The following TMEM132C variants were observed in gnomAD, a reference collection of about 807,000 sequenced individuals.
TMEM132C encodes the protein protein phosphatase 1, regulatory subunit 152.
A neutral mutation model predicts 61.4 loss-of-function variants in TMEM132C; 29 were observed. That is an observed-to-expected ratio of 0.47 (90% CI 0.35 to 0.64). TMEM132C has a LOEUF of 0.64. Ranked by LOEUF, TMEM132C falls within the 30% of genes least tolerant of loss-of-function variation. TMEM132C has a pLI of 0.00. For synonymous variants in TMEM132C, 656 were observed against 633.1 expected, an observed-to-expected ratio of 1.04 and a Z score of -0.54; for missense variants, 1,408 against 1,476.9, an observed-to-expected ratio of 0.95 and a Z score of 0.76.
intron 1 of TMEM132C, among the ~76,000 whole-genome samples, chr12:128,403,511 GT>G (rs1875238745): frequency 6.6e-6 from 1 of 152,006 alleles, no homozygotes; most frequent in Non-Finnish European, 1.5e-5. Context: ...CATTTCTGTA[GT>G]TTTAAAAGCT....
chr12:128,644,728 T>C (rs918198225), intron 4 of TMEM132C, among the ~76,000 whole-genome samples: 2 of 152,198 alleles, frequency 1.3e-5, no homozygotes, highest in South Asian at 4.1e-4. Flanking sequence ...CTTAAATTGT[T>C]AAGTTTTATG....
rs191172164 is a variant in TMEM132C at position 128,553,496 on chromosome 12, C to T, written c.1121+9393C>T. Among the ~76,000 whole-genome samples the T allele has an allele frequency of 3.3e-3, 500 of 152,288 alleles. 3 individuals are homozygous for T. The highest frequency in any genetic ancestry group is 0.011 in the South Asian group (52 of 4,818). On this transcript the variant is annotated intron_variant, in intron 3 of 8. Coordinates refer to ENST00000435159, the MANE Select transcript of TMEM132C (RefSeq NM_001136103.3). Reference sequence around the variant, plus strand: ...GATCAGTCTGTAATATGTTACGTCTCTTTTGTAACTTAACGTTGCCAAAGT... The same window carrying T: ...GATCAGTCTGTAATATGTTACGTCTTTTTTGTAACTTAACGTTGCCAAAGT...
chr12:128,622,356 AAAAAATATATATATATAT>A lies in TMEM132C; in HGVS notation c.1305+6023_1305+6040del, dbSNP rs1177780413. Reference sequence around the variant, plus strand: ...GAGACTTTGTCTCAAAAAAAAAAAAAAAAAATATATATATATATATATATATATATATATATATATATA... The same window carrying A: ...GAGACTTTGTCTCAAAAAAAAAAAAAATATATATATATATATATATATATA... On this transcript the variant is annotated intron_variant, in intron 4 of 8. Transcript: ENST00000435159. Among the ~76,000 whole-genome samples, 35 of 59,214 alleles carry A rather than the reference AAAAAATATATATATATAT, an allele frequency of 5.9e-4. 1 individual carries two copies. Among genetic ancestry groups the A allele is most frequent in the African/African-American group, 2.6e-3 (31 of 11,810 alleles). 38.8% of individuals were successfully genotyped at this position (59,214 alleles called of 152,430 possible).
chr12:128,605,032 T>C (rs1876370503), intron 3 of TMEM132C, among the ~76,000 whole-genome samples: 1 of 150,416 alleles, frequency 6.6e-6, no homozygotes, highest in African/African-American at 2.5e-5. Context: ...AATGGATGGA[T>C]GGATGGATGG....
At chr12:128,380,905 C>T (rs1006615952) in intron 1 of TMEM132C, among the ~76,000 whole-genome samples, 1 of 152,196 alleles carries the variant, frequency 6.6e-6, no homozygotes, top group Non-Finnish European at 1.5e-5. Context: ...TCACATTGAA[C>T]TCATGGCCAA....
chr12:128,466,299 C>G (rs1228403797), intron 2 of TMEM132C, among the ~76,000 whole-genome samples: 2 of 152,198 alleles, frequency 1.3e-5, no homozygotes, highest in Admixed American at 1.3e-4. Context: ...AATCCTAGAA[C>G]AGAGGGAAGA....
chr12:128,423,444 G>A (rs554605784), intron 2 of TMEM132C, among the ~76,000 whole-genome samples: 1 of 152,172 alleles, frequency 6.6e-6, no homozygotes, highest in African/African-American at 2.4e-5. Context: ...CAGGATGAAG[G>A]GTGGACACAG....
intron 5 of TMEM132C, among the ~76,000 whole-genome samples, chr12:128,692,309 C>T (rs977559572): frequency 6.6e-6 from 1 of 152,230 alleles, no homozygotes; most frequent in Non-Finnish European, 1.5e-5. Context: ...CATGCAATGT[C>T]CATTTCACTG....
chr12:128,610,318 C>T (rs934492689), intron 3 of TMEM132C, among the ~76,000 whole-genome samples: 2 of 152,138 alleles, frequency 1.3e-5, no homozygotes, highest in African/African-American at 4.8e-5. Flanking sequence ...AGCTAAAATC[C>T]CTGACTCCCT....
intron 1 of TMEM132C, among the ~76,000 whole-genome samples, chr12:128,381,919 C>G (rs566709152): frequency 2.0e-5 from 3 of 152,174 alleles, no homozygotes; most frequent in African/African-American, 7.2e-5. Context: ...AGGAAGACAA[C>G]CCCGCAAAGG....
At chr12:128,700,918 T>C (rs1954799298) in intron 8 of TMEM132C, among the ~76,000 whole-genome samples, 1 of 152,152 alleles carries the variant, frequency 6.6e-6, no homozygotes, top group African/African-American at 2.4e-5. Flanking sequence ...CAGGTGCAAG[T>C]AGTTTATTCA....
chr12:128,461,307 T>C (rs1483505207), intron 2 of TMEM132C, among the ~76,000 whole-genome samples: 8 of 152,088 alleles, frequency 5.3e-5, no homozygotes, highest in East Asian at 1.9e-4. Context: ...ACAAGGAGCA[T>C]TGTGGGTGGG....
intron 3 of TMEM132C, among the ~76,000 whole-genome samples, chr12:128,589,188 C>G (rs1468050514): frequency 6.6e-6 from 1 of 152,168 alleles, no homozygotes; most frequent in Non-Finnish European, 1.5e-5. Context: ...ACAGCTCTCC[C>G]GATGCAGGAC....
intron 1 of TMEM132C, among the ~76,000 whole-genome samples, chr12:128,385,334 A>G (rs2678812): frequency 0.041 from 2,049 of 49,722 alleles, 100 homozygotes; most frequent in Admixed American, 0.053. Flanking sequence ...GTAAAGATTT[A>G]AGACATAAAC....
At chr12:128,284,511 C>G (rs1870997432) in intron 1 of TMEM132C, among the ~76,000 whole-genome samples, 2 of 152,196 alleles carry the variant, frequency 1.3e-5, no homozygotes, top group South Asian at 4.1e-4. Flanking sequence ...ACTGTGAGTG[C>G]CCTCAAGCCT....
chr12:128,419,534 G>A (rs77232605), intron 2 of TMEM132C, among the ~76,000 whole-genome samples: 5,893 of 150,850 alleles, frequency 0.039, 370 homozygotes, highest in African/African-American at 0.13. Context: ...CTTGTTCTCT[G>A]CTAGCATACC....
At chr12:128,306,138 T>G (rs567422686) in intron 1 of TMEM132C, among the ~76,000 whole-genome samples, 12 of 152,264 alleles carry the variant, frequency 7.9e-5, no homozygotes, top group Admixed American at 6.5e-5. Flanking sequence ...TTCTAGTGAC[T>G]TCAGGTTGAA....
chr12:128,589,109 C>T (rs1348394997), intron 3 of TMEM132C, among the ~76,000 whole-genome samples: 1 of 152,132 alleles, frequency 6.6e-6, no homozygotes, highest in Non-Finnish European at 1.5e-5. Flanking sequence ...GGGTGAGAAC[C>T]AGGTTGTCAT....
intron 2 of TMEM132C, among the ~76,000 whole-genome samples, chr12:128,502,814 C>T (rs1425024750): frequency 6.6e-6 from 1 of 152,216 alleles, no homozygotes; most frequent in East Asian, 1.9e-4. Context: ...CCCTAAGACC[C>T]TACAAATTGT....
Sources: gnomAD v4.1 joint callset for allele counts (sites outside exome capture counted in the v4.1 genomes callset) on GRCh38, gnomAD v4.1.1 for gene constraint, MANE v1.5 for transcripts, NCBI Gene and HGNC (gene_info 2026-07-23, HGNC 2026-07-21) for gene names.